The following EYA3 variants were observed in gnomAD, a reference collection of about 807,000 sequenced individuals.
EYA3 encodes protein phosphatase EYA3.
In EYA3, 39 loss-of-function variants were observed where a neutral mutation model predicts 80.0. That is an observed-to-expected ratio of 0.49 (90% CI 0.38 to 0.64). The LOEUF (loss-of-function observed/expected upper bound fraction) is 0.64. Among genes scored for constraint, EYA3 ranks in the 30% least tolerant of loss-of-function variants. The probability of loss-of-function intolerance (pLI) is 0.00; values close to 1 mark genes in which losing one functional copy is unlikely to be tolerated. For synonymous variants in EYA3, 206 were observed against 232.8 expected, an observed-to-expected ratio of 0.88 and a Z score of 1.05; for missense variants, 523 against 676.1, an observed-to-expected ratio of 0.77 and a Z score of 2.51.
intron 1 of EYA3, among the ~76,000 whole-genome samples, chr1:28,080,849 T>C (rs501025): frequency 0.65 from 98,217 of 151,842 alleles, 32,447 homozygotes; most frequent in African/African-American, 0.79. Flanking sequence ...CTCCTGGGTT[T>C]AAGCGATTCT....
At chr1:27,999,321 T>TA (rs1361163705) in intron 12 of EYA3, among the ~76,000 whole-genome samples, 1 of 152,216 alleles carries the variant, frequency 6.6e-6, no homozygotes, top group Non-Finnish European at 1.5e-5. Context: ...TCTGGTCTTC[T>TA]GACTCCCTGT....
At chr1:28,081,260 A>C (rs896370558) in intron 1 of EYA3, among the ~76,000 whole-genome samples, 5 of 152,202 alleles carry the variant, frequency 3.3e-5, no homozygotes, top group African/African-American at 1.2e-4. Context: ...GCCCCACTAA[A>C]TATGAGAGAT....
chr1:28,055,111 A>G (rs534465487), intron 2 of EYA3, among the ~76,000 whole-genome samples: 1 of 152,354 alleles, frequency 6.6e-6, no homozygotes, highest in African/African-American at 2.4e-5. Flanking sequence ...TAGGCTATAA[A>G]TAGGTAAAGT....
intron 14 of EYA3, among the ~76,000 whole-genome samples, chr1:27,991,458 C>T (rs1314501353): frequency 1.3e-5 from 2 of 152,126 alleles, no homozygotes; most frequent in African/African-American, 4.8e-5. Flanking sequence ...ATGATGGGAG[C>T]CTGCTCTCAG....
In EYA3 at chr1:28,003,219, G is replaced by A. The variant is rs567661303; in HGVS notation, c.993+1117C>T. On this transcript the variant is annotated intron_variant, in intron 11 of 17. Coordinates refer to ENST00000373871, the MANE Select transcript of EYA3 (RefSeq NM_001990.4). The stretch of plus-strand genomic sequence containing the variant: ...CAGGAGGCACAGCTTGCAGTGAGCT[G>A]AGATCACGCCATTGCACTCCAGCCC... Among the ~76,000 whole-genome samples, 7 of 152,024 alleles carry A rather than the reference G, an allele frequency of 4.6e-5. No homozygotes were observed. The South Asian group carries it at 1.0e-3, about 23-fold the overall frequency.
intron 7 of EYA3, among the ~76,000 whole-genome samples, chr1:28,020,680 G>A (rs1386278682): frequency 9.9e-6 from 1 of 101,060 alleles, no homozygotes; most frequent in African/African-American, 2.7e-5. Flanking sequence ...GTGTGTGTGT[G>A]TGTGTGTGTG....
At chr1:27,975,452 G>GCT (rs1638882743) in intron 17 of EYA3, among the ~76,000 whole-genome samples, 2 of 150,750 alleles carry the variant, frequency 1.3e-5, no homozygotes, top group African/African-American at 4.9e-5. Flanking sequence ...AAGTGCTAGG[G>GCT]ATTACAGGCA....
At chr1:28,068,852 C>G (rs1644923939) in intron 1 of EYA3, among the ~76,000 whole-genome samples, 1 of 152,064 alleles carries the variant, frequency 6.6e-6, no homozygotes, top group South Asian at 2.1e-4. Flanking sequence ...TCTCACCTAG[C>G]CTGGAGTACA....
intron 16 of EYA3, among the ~76,000 whole-genome samples, chr1:27,982,280 G>C (rs1007385387): frequency 6.6e-6 from 1 of 151,764 alleles, no homozygotes; most frequent in African/African-American, 2.4e-5. Context: ...TTACAGGCAT[G>C]AGCCACGGCT....
intron 1 of EYA3, among the ~76,000 whole-genome samples, chr1:28,082,885 T>G (rs556596): frequency 0.65 from 98,285 of 152,006 alleles, 32,464 homozygotes; most frequent in African/African-American, 0.79. Context: ...ATTTGATCCC[T>G]TATTGCTTTC....
intron 2 of EYA3, among the ~76,000 whole-genome samples, chr1:28,051,967 A>AG (rs1219166709): frequency 6.6e-6 from 1 of 151,886 alleles, no homozygotes; most frequent in African/African-American, 2.4e-5. Flanking sequence ...TTGAAAAAAA[A>AG]AAAAAAGAAC....
rs139619698 is a variant in EYA3, at chr1:27,980,647, A to G, written c.1541-2173T>C. ...TTTCCTGTTCAGGAGGATGAGGCCA[A>G]TGATTAATCAGTTTACCATATGTCA... On this transcript the variant is annotated intron_variant, in intron 16 of 17. Coordinates refer to ENST00000373871, the MANE Select transcript of EYA3 (RefSeq NM_001990.4). Among the ~76,000 whole-genome samples the G allele has an allele frequency of 1.4e-3, 211 of 152,376 alleles. 1 individual carries two copies. Among genetic ancestry groups the G allele is most frequent in the African/African-American group, 4.8e-3 (201 of 41,594 alleles).
At chr1:28,041,224 C>T (rs1338912758) in intron 4 of EYA3, among the ~76,000 whole-genome samples, 1 of 151,846 alleles carries the variant, frequency 6.6e-6, no homozygotes, top group Non-Finnish European at 1.5e-5. Flanking sequence ...ATTAGCCAGG[C>T]GTGATGGTGC....
chr1:27,975,763 C>T (rs1435905462), intron 17 of EYA3, among the ~76,000 whole-genome samples: 3 of 151,864 alleles, frequency 2.0e-5, no homozygotes, highest in Non-Finnish European at 4.4e-5. Context: ...GGATTACAGG[C>T]GTGAGCCACC....
chr1:27,984,377 AATG>A (rs1461707540), intron 16 of EYA3, among the ~76,000 whole-genome samples: 8 of 151,998 alleles, frequency 5.3e-5, no homozygotes, highest in Non-Finnish European at 8.8e-5. Flanking sequence ...CCATGCAATC[AATG>A]ATTTTTTTTT....
chr1:27,978,299 G>A, intron 17 of EYA3, 75 bp downstream of exon 17: 1 of 1,060,020 alleles, frequency 9.4e-7, no homozygotes, highest in South Asian at 1.4e-5. Flanking sequence ...AGATTGCTAA[G>A]ATTTTGTAGT....
chr1:28,063,848 T>A (rs539658793), intron 1 of EYA3, among the ~76,000 whole-genome samples: 5 of 152,312 alleles, frequency 3.3e-5, no homozygotes, highest in Non-Finnish European at 5.9e-5. Context: ...TTCATTTTTA[T>A]CTTATTGATT....
At chr1:28,069,625 G>A (rs1644953525) in intron 1 of EYA3, among the ~76,000 whole-genome samples, 2 of 149,648 alleles carry the variant, frequency 1.3e-5, no homozygotes, top group East Asian at 2.0e-4. Flanking sequence ...GAGGGAAGAG[G>A]AGAAGGAAGG....
intron 5 of EYA3, among the ~76,000 whole-genome samples, 157 bp downstream of exon 5, chr1:28,038,682 G>C (rs1643602324): frequency 6.6e-6 from 1 of 151,930 alleles, no homozygotes; most frequent in Non-Finnish European, 1.5e-5. Flanking sequence ...ATACTACATA[G>C]ACTATATTTA....
Sources: gnomAD v4.1 joint callset for allele counts (sites outside exome capture counted in the v4.1 genomes callset) on GRCh38, gnomAD v4.1.1 for gene constraint, MANE v1.5 for transcripts, NCBI Gene and HGNC (gene_info 2026-07-23, HGNC 2026-07-21) for gene names.